The following NMT2 variants were observed in gnomAD, a reference collection of about 807,000 sequenced individuals.
NMT2 encodes the protein glycylpeptide N-tetradecanoyltransferase 2.
A neutral mutation model predicts 65.4 loss-of-function variants in NMT2; 35 were observed. That is an observed-to-expected ratio of 0.54 (90% CI 0.41 to 0.71). NMT2 has a LOEUF of 0.71. NMT2 is among the 30% of genes least tolerant of loss of function. The probability of loss-of-function intolerance (pLI) is 0.00; values close to 1 mark genes in which losing one functional copy is unlikely to be tolerated. For synonymous variants in NMT2, 226 were observed against 231.8 expected, an observed-to-expected ratio of 0.98 and a Z score of 0.23; for missense variants, 489 against 611.3, an observed-to-expected ratio of 0.80 and a Z score of 2.11.
At chr10:15,166,285 T>C (rs1026896357) in intron 1 of NMT2, among the ~76,000 whole-genome samples, 1 of 152,246 alleles carries the variant, frequency 6.6e-6, no homozygotes, top group African/African-American at 2.4e-5. Flanking sequence ...GGCCGCTGCC[T>C]GGTGGCCTCA....
chr10:15,118,635 G>A (rs1274911254), intron 9 of NMT2, among the ~76,000 whole-genome samples: 1 of 147,630 alleles, frequency 6.8e-6, no homozygotes, highest in Non-Finnish European at 1.5e-5. Context: ...GTTTATAAAA[G>A]AAATAAACAT....
chr10:15,159,013 G>A (rs1304960781), intron 1 of NMT2, among the ~76,000 whole-genome samples: 1 of 152,170 alleles, frequency 6.6e-6, no homozygotes, highest in Non-Finnish European at 1.5e-5. Flanking sequence ...TCCCAGCAAG[G>A]TGCCAGCATT....
chr10:15,108,226 C>G lies in NMT2; in HGVS notation c.*969G>C. The G allele has an allele frequency of 2.1e-6, 2 of 973,658 alleles. No individual in the cohort carries two copies. Among genetic ancestry groups the G allele is most frequent in the Non-Finnish European group, 1.2e-6 (1 of 822,998 alleles). 60.3% of individuals were successfully genotyped at this position (973,658 alleles called of 1,614,324 possible). ...TTTGAGACGGAGTCTCACGCTCTGT[C>G]ACCCAGGCTGGAGTGCAGTGGCTCG... On this transcript the variant is annotated 3_prime_UTR_variant, in exon 12 of 12. Coordinates refer to ENST00000378165, the MANE Select transcript of NMT2 (RefSeq NM_004808.3).
At chr10:15,150,734 A>G (rs1420078088) in intron 1 of NMT2, among the ~76,000 whole-genome samples, 4 of 152,168 alleles carry the variant, frequency 2.6e-5, no homozygotes, top group Non-Finnish European at 4.4e-5. Flanking sequence ...TATTGAGGCT[A>G]CAGCTTTGGA....
intron 1 of NMT2, among the ~76,000 whole-genome samples, chr10:15,142,233 G>C (rs1244951384): frequency 6.6e-6 from 1 of 152,150 alleles, no homozygotes; most frequent in African/African-American, 2.4e-5. Context: ...AATATGAAAG[G>C]CATGTGCAAT....
intron 2 of NMT2, chr10:15,141,098 A>C: frequency 7.3e-7 from 1 of 1,378,696 alleles, no homozygotes. Flanking sequence ...AAAAGTAATC[A>C]AATATTAAAG....
rs978726367 is a variant in NMT2, at chr10:15,106,452, GTT to G, written c.*2741_*2742del. On this transcript the variant is annotated 3_prime_UTR_variant, in exon 12 of 12. Transcript: ENST00000378165. The stretch of plus-strand genomic sequence containing the variant: ...AACCCTGTTCCAGTGAATGAGGACT[GTT>G]TTGTTTCTTGAAGCCTTTCTCCTGT... The G allele has an allele frequency of 6.3e-6, 1 of 159,692 alleles. No homozygotes were observed. The highest frequency in any genetic ancestry group is 2.4e-5 in the African/African-American group (1 of 41,596). The allele number at this position is 159,692 out of a possible 1,614,324, so 9.9% of individuals were successfully genotyped here.
chr10:15,126,821 A>G (rs563046308), intron 8 of NMT2, among the ~76,000 whole-genome samples: 133 of 152,326 alleles, frequency 8.7e-4, no homozygotes, highest in African/African-American at 3.1e-3. Flanking sequence ...TGTGATAATA[A>G]ATGTTGTTTT....
intron 1 of NMT2, among the ~76,000 whole-genome samples, chr10:15,167,388 T>C (rs993096391): frequency 1.3e-5 from 2 of 152,204 alleles, no homozygotes; most frequent in Admixed American, 6.5e-5. Context: ...AGAATGCAAA[T>C]GATTTACACT....
Position 15,122,933 on chromosome 10 carries a change from T to TA in NMT2, c.1000-3421dup, listed in dbSNP as rs200230286. Among the ~76,000 whole-genome samples the TA allele has an allele frequency of 2.2e-3, 329 of 146,394 alleles. 1 individual carries two copies. Among genetic ancestry groups the TA allele is most frequent in the African/African-American group, 5.9e-3 (239 of 40,280 alleles). On this transcript the variant is annotated intron_variant, in intron 8 of 11. Transcript: ENST00000378165. ...ATACTAGTGTTATTATGAAAATAGT[T>TA]AAAAAAAAAAAATGACTGCATAGAT...
chr10:15,121,235 C>A (rs988720951), intron 8 of NMT2, among the ~76,000 whole-genome samples: 1 of 152,064 alleles, frequency 6.6e-6, no homozygotes, highest in Non-Finnish European at 1.5e-5. Context: ...TTTTTCTGCC[C>A]TAAATGATTA....
intron 9 of NMT2, among the ~76,000 whole-genome samples, chr10:15,113,403 G>A (rs1845633075): frequency 1.4e-5 from 2 of 146,100 alleles, no homozygotes; most frequent in South Asian, 2.2e-4. Flanking sequence ...CCCAGAGGCG[G>A]AGGTTGCAGT....
intron 2 of NMT2, among the ~76,000 whole-genome samples, chr10:15,139,257 T>C (rs1002311979): frequency 6.9e-6 from 1 of 144,230 alleles, no homozygotes; most frequent in Non-Finnish European, 1.5e-5. Context: ...CCCCTCTATC[T>C]ATCTATCTAT....
chr10:15,131,859 A>G (rs779021043), intron 6 of NMT2, among the ~76,000 whole-genome samples: 1 of 152,042 alleles, frequency 6.6e-6, no homozygotes, highest in Non-Finnish European at 1.5e-5. Context: ...TCTCCTAAAA[A>G]ATTTTTAAGT....
At chr10:15,151,254 T>C (rs1468809468) in intron 1 of NMT2, among the ~76,000 whole-genome samples, 1 of 152,050 alleles carries the variant, frequency 6.6e-6, no homozygotes, top group Non-Finnish European at 1.5e-5. Flanking sequence ...ACGGGGTTTC[T>C]CCATGTTGGT....
chr10:15,137,733 G>C (rs868494195), intron 2 of NMT2, among the ~76,000 whole-genome samples: 4 of 152,046 alleles, frequency 2.6e-5, no homozygotes, highest in African/African-American at 9.7e-5. Flanking sequence ...TTAATTTTTT[G>C]TTCCTTGATT....
chr10:15,111,793 G>T (rs1845527732), intron 10 of NMT2: 1 of 151,600 alleles, frequency 6.6e-6, no homozygotes, highest in Non-Finnish European at 1.5e-5. Flanking sequence ...ACAGGTAAGA[G>T]ATTTTTATTT....
At chr10:15,117,427 C>G (rs1208446817) in intron 9 of NMT2, among the ~76,000 whole-genome samples, 1 of 152,192 alleles carries the variant, frequency 6.6e-6, no homozygotes, top group African/African-American at 2.4e-5. Context: ...GAAAAACCTA[C>G]AGCTAACATC....
intron 1 of NMT2, among the ~76,000 whole-genome samples, chr10:15,166,054 AT>A (rs1425398860): frequency 2.0e-5 from 3 of 152,184 alleles, no homozygotes; most frequent in Non-Finnish European, 2.9e-5. Context: ...CATGAAGAAA[AT>A]TCCATGAAAA....
Sources: gnomAD v4.1 joint callset for allele counts (sites outside exome capture counted in the v4.1 genomes callset) on GRCh38, gnomAD v4.1.1 for gene constraint, MANE v1.5 for transcripts, NCBI Gene and HGNC (gene_info 2026-07-23, HGNC 2026-07-21) for gene names.